Variants in RIMOC1 observed in about 807,000 individuals in gnomAD.
The protein encoded by RIMOC1 is RAB7A-interacting MON1-CCZ1 complex subunit 1.
At chr5:41,917,918 T>C in the RIMOC1 span, 1 of 889,578 alleles carries the variant, frequency 1.1e-6, no homozygotes, top group African/African-American at 1.8e-5. Flanking sequence ...TTAAAAATTA[T>C]TTTTCTATTT....
At chr5:41,918,116 C>G in the RIMOC1 span, 1 of 985,756 alleles carries the variant, frequency 1.0e-6, no homozygotes, top group African/African-American at 1.7e-5. Flanking sequence ...ATATCTTGCT[C>G]ATGGTCTTTC....
At chr5:41,920,411 C>T in the RIMOC1 span, 1 of 152,194 alleles carries the variant, frequency 6.6e-6, no homozygotes, top group African/African-American at 2.4e-5. Context: ...AAGTACTACA[C>T]TAAATTCACT....
At chr5:41,904,425 C>T in the RIMOC1 span, 1 of 1,614,006 alleles carries the variant, frequency 6.2e-7, no homozygotes, top group Non-Finnish European at 8.5e-7. Context: ...GGATCTGGCT[C>T]AGGCCCACAT....
the RIMOC1 span, among the ~76,000 whole-genome samples, chr5:41,910,327 G>A: frequency 6.6e-6 from 1 of 151,764 alleles, no homozygotes; most frequent in Non-Finnish European, 1.5e-5. Flanking sequence ...TCTCTGAAAT[G>A]TCTTCTCTTG....
At chr5:41,912,056 G>T in the RIMOC1 span, 2 of 1,467,170 alleles carry the variant, frequency 1.4e-6, no homozygotes, top group South Asian at 2.3e-5. Context: ...CTTTGGCTCT[G>T]ACTTTTATTT....
the RIMOC1 span, chr5:41,917,094 A>T: frequency 6.2e-7 from 1 of 1,613,854 alleles, no homozygotes; most frequent in Non-Finnish European, 8.5e-7. Flanking sequence ...TATTGTGCTG[A>T]TCAGCAACCA....
chr5:41,911,059 G>C, the RIMOC1 span: 1 of 1,609,686 alleles, frequency 6.2e-7, no homozygotes. Context: ...ACTGCAATTT[G>C]CTTGGGGATG....
chr5:41,904,396 G>A, the RIMOC1 span: 1 of 1,613,946 alleles, frequency 6.2e-7, no homozygotes, highest in South Asian at 1.1e-5. Context: ...AGTGTGGTGA[G>A]ACGAGTGGAA....
the RIMOC1 span, chr5:41,912,044 T>A: frequency 7.5e-7 from 1 of 1,335,126 alleles, no homozygotes; most frequent in East Asian, 2.3e-5. Flanking sequence ...ATACTTTCAA[T>A]TCTTTGGCTC....
the RIMOC1 span, chr5:41,907,638 T>C: frequency 3.0e-6 from 2 of 674,308 alleles, no homozygotes; most frequent in Non-Finnish European, 5.0e-6. Context: ...CATAATATTA[T>C]TTCATCTTGT....
the RIMOC1 span, chr5:41,916,263 G>T: frequency 2.9e-6 from 1 of 340,198 alleles, no homozygotes; most frequent in Non-Finnish European, 4.2e-6. Context: ...CTTGCCCAAA[G>T]ACACAAAGCC....
the RIMOC1 span, chr5:41,911,253 C>T: frequency 9.3e-6 from 13 of 1,404,420 alleles, no homozygotes; most frequent in Non-Finnish European, 1.2e-5. Context: ...TGTTGTACTA[C>T]TAAGAGTAGT....
At chr5:41,910,900 A>G in the RIMOC1 span, 6 of 723,314 alleles carry the variant, frequency 8.3e-6, no homozygotes, top group Non-Finnish European at 1.1e-5. Flanking sequence ...ATTGATTGAA[A>G]ATAAGGCCTC....
chr5:41,909,594 C>G, the RIMOC1 span: 1 of 444,318 alleles, frequency 2.3e-6, no homozygotes, highest in Admixed American at 4.4e-5. Context: ...ATATTTACAT[C>G]TAGACATTTT....
the RIMOC1 span, among the ~76,000 whole-genome samples, chr5:41,911,541 T>C: frequency 5.3e-5 from 8 of 152,150 alleles, no homozygotes. Flanking sequence ...TTCTAGAAAA[T>C]TGTGGCCCTC....
chr5:41,918,932 C>T, the RIMOC1 span: 1 of 179,002 alleles, frequency 5.6e-6, no homozygotes, highest in Non-Finnish European at 1.1e-5. Context: ...CTCTCATTTC[C>T]CCACAAAGTG....
the RIMOC1 span, chr5:41,918,512 C>G: frequency 1.0e-6 from 1 of 985,240 alleles, no homozygotes; most frequent in Non-Finnish European, 1.2e-6. Context: ...TTTCCCTGGT[C>G]TTTTAGTCTA....
At chr5:41,912,831 A>G in the RIMOC1 span, among the ~76,000 whole-genome samples, 6 of 152,148 alleles carry the variant, frequency 3.9e-5, no homozygotes, top group Non-Finnish European at 5.9e-5. Flanking sequence ...TCAGCATATT[A>G]TCAGTACTAG....
At chr5:41,920,125 C>G in the RIMOC1 span, 1 of 152,078 alleles carries the variant, frequency 6.6e-6, no homozygotes, top group Non-Finnish European at 1.5e-5. Context: ...AGAGAACTTT[C>G]TCTTAAGAAG....
Sources: gnomAD v4.1 joint callset for allele counts (sites outside exome capture counted in the v4.1 genomes callset) on GRCh38, gnomAD v4.1.1 for gene constraint, MANE v1.5 for transcripts, NCBI Gene and HGNC (gene_info 2026-07-23, HGNC 2026-07-21) for gene names.